CDS1: variants seen among roughly 807,000 people sequenced by gnomAD.
CDS1 encodes the protein phosphatidate cytidylyltransferase 1.
Under a neutral mutation model 62.1 loss-of-function variants are expected in CDS1, and 41 were observed. The ratio of observed to expected loss-of-function variants is 0.66; its 90% CI spans 0.51 to 0.86. The LOEUF (loss-of-function observed/expected upper bound fraction) is 0.86, where lower values mean the gene tolerates loss of function less well. CDS1 is among the 40% of genes least tolerant of loss of function. The pLI is 0.00. For missense variants in CDS1, 470 were observed against 550.1 expected, an observed-to-expected ratio of 0.85 and a Z score of 1.46; for synonymous variants, 185 against 192.6, an observed-to-expected ratio of 0.96 and a Z score of 0.32.
chr4:84,597,554 G>A (rs141486730), intron 1 of CDS1, among the ~76,000 whole-genome samples: 119 of 152,222 alleles, frequency 7.8e-4, no homozygotes, highest in African/African-American at 2.6e-3. Flanking sequence ...TGGGAGGATC[G>A]CTTGAGCCTG....
At chr4:84,609,133 C>T (rs1298872039) in intron 2 of CDS1, among the ~76,000 whole-genome samples, 1 of 146,044 alleles carries the variant, frequency 6.8e-6, no homozygotes, top group Non-Finnish European at 1.5e-5. Context: ...GAGCCGAGAT[C>T]ACGCCACTGC....
intron 1 of CDS1, among the ~76,000 whole-genome samples, chr4:84,585,989 C>T (rs1373494970): frequency 6.6e-6 from 1 of 152,138 alleles, no homozygotes; most frequent in Non-Finnish European, 1.5e-5. Flanking sequence ...GAGGATTGAG[C>T]TGGGAATGAA....
intron 12 of CDS1, among the ~76,000 whole-genome samples, chr4:84,647,144 C>G (rs568507887): frequency 6.6e-6 from 1 of 151,960 alleles, no homozygotes; most frequent in Non-Finnish European, 1.5e-5. Flanking sequence ...ATTCCCTTTT[C>G]CTTATATTTA....
rs183131102 is a variant in CDS1, at chr4:84,603,103, G to A, written c.118-1140G>A. Reference sequence around the variant, plus strand: ...CTTATTTGAATTTACTAAGTCCTTGGCATTATACTAAATGCTTCATTTTAG... The same window carrying A: ...CTTATTTGAATTTACTAAGTCCTTGACATTATACTAAATGCTTCATTTTAG... On this transcript the variant is annotated intron_variant, in intron 1 of 12. Coordinates refer to ENST00000295887, the MANE Select transcript of CDS1 (RefSeq NM_001263.4). 2.9e-3 allele frequency among the ~76,000 whole-genome samples: 443 copies of A among 152,162 alleles called. 1 individual carries two copies. The highest frequency in any genetic ancestry group is 4.8e-3 in the Non-Finnish European group (329 of 68,018).
At chr4:84,645,873 A>C (rs1038589244) in intron 12 of CDS1, among the ~76,000 whole-genome samples, 1 of 152,210 alleles carries the variant, frequency 6.6e-6, no homozygotes, top group African/African-American at 2.4e-5. Context: ...AAAATAAAGC[A>C]GGCCGAGGGG....
At chr4:84,615,645 T>A (rs1214083215) in intron 3 of CDS1, among the ~76,000 whole-genome samples, 1 of 152,052 alleles carries the variant, frequency 6.6e-6, no homozygotes, top group Non-Finnish European at 1.5e-5. Flanking sequence ...TTCACATGGG[T>A]TGTAGTCGTG....
At chr4:84,612,598 GT>G (rs573925996) in intron 3 of CDS1, among the ~76,000 whole-genome samples, 140 of 152,104 alleles carry the variant, frequency 9.2e-4, no homozygotes, top group Non-Finnish European at 1.5e-3. Flanking sequence ...CGGTACTTGA[GT>G]TTTTTTGTTT....
At chr4:84,606,353 T>G (rs1723095913) in intron 2 of CDS1, among the ~76,000 whole-genome samples, 1 of 151,978 alleles carries the variant, frequency 6.6e-6, no homozygotes, top group Non-Finnish European at 1.5e-5. Context: ...TGTATGGATG[T>G]GTGTAAAGCA....
chr4:84,626,803 G>A (rs574446146), intron 5 of CDS1, among the ~76,000 whole-genome samples: 8 of 152,256 alleles, frequency 5.3e-5, no homozygotes, highest in African/African-American at 1.7e-4. Flanking sequence ...TTGAGGGTCC[G>A]ACTATGTATT....
chr4:84,637,533 T>G (rs1209753108), intron 8 of CDS1, among the ~76,000 whole-genome samples: 1 of 152,196 alleles, frequency 6.6e-6, no homozygotes. Flanking sequence ...GGGATGGTGC[T>G]TAACCATTAG....
At chr4:84,635,233 T>C (rs7683338) in intron 7 of CDS1, 31 bp from the exon 8 acceptor site, 93,000 of 1,189,022 alleles carry the variant, frequency 0.078, 4,712 homozygotes, top group Non-Finnish European at 0.096. Flanking sequence ...AACTTTTTTC[T>C]GCTGACTTTT....
chr4:84,648,366 T>A (rs1724614954), intron 12 of CDS1, among the ~76,000 whole-genome samples, 191 bp from the exon 13 acceptor site: 1 of 152,188 alleles, frequency 6.6e-6, no homozygotes, highest in Non-Finnish European at 1.5e-5. Flanking sequence ...TGTGCATTCT[T>A]TCTCCCTCTC....
chr4:84,633,158 T>C (rs1724076136), intron 6 of CDS1, among the ~76,000 whole-genome samples: 1 of 152,168 alleles, frequency 6.6e-6, no homozygotes, highest in South Asian at 2.1e-4. Flanking sequence ...AATCAAAATC[T>C]TAAGAATTTT....
Position 84,640,845 on chromosome 4 carries a change from A to G in CDS1, c.887A>G (p.Tyr296Cys), listed in dbSNP as rs751675202. The G allele has an allele frequency of 8.8e-6, 14 of 1,585,920 alleles. No individual in the cohort carries two copies. The highest frequency in any genetic ancestry group is 8.1e-5 in the South Asian group (7 of 86,210). The change falls in exon 10 of 13, where the codon TAT becomes TGT. Residue 296 changes from tyrosine to cysteine, a missense_variant. Physicochemically the swap from Tyr to Cys is radical, Grantham distance 194. This residue lies in a region of CDS1 where 214 missense variants were observed against 242.4 expected (regional missense o/e 0.88). Transcript: ENST00000295887. Reference sequence around the variant, plus strand: ...TTTTGTTTTTAATATCAGGCTGCCTATGTGTTATCCAAATACCAGTACTTT... The same window carrying G: ...TTTTGTTTTTAATATCAGGCTGCCTGTGTGTTATCCAAATACCAGTACTTT... ...STVVFGFIAA[Y>C]VLSKYQYFVC...
chr4:84,624,292 A>C (rs1723787819), intron 5 of CDS1, among the ~76,000 whole-genome samples: 1 of 119,284 alleles, frequency 8.4e-6, no homozygotes, highest in Admixed American at 7.7e-5. Flanking sequence ...AAAAACAAAC[A>C]AAAAAAAAAA....
chr4:84,603,517 A>G (rs888893757), intron 1 of CDS1, among the ~76,000 whole-genome samples: 1 of 152,232 alleles, frequency 6.6e-6, no homozygotes, highest in African/African-American at 2.4e-5. Flanking sequence ...ACTGAGCATT[A>G]GATGACATTT....
rs1409688794 is a variant in CDS1, at chr4:84,583,501, G to A, written c.100G>A (p.Glu34Lys). The stretch of plus-strand genomic sequence containing the variant: ...GGCGGCCGGCGGCGACCACGAAACC[G>A]AGAGCACCAGCGACAAAGTAAGTGG... ...GEAAGGDHET[E>K]STSDKETDID... The change falls in exon 1 of 13, where the codon GAG (glutamate) becomes AAG (lysine). Residue 34 changes from glutamate (E) to lysine (K), a missense_variant. Around this residue, in one of 5 missense-constraint regions of CDS1, gnomAD observed 150 missense variants for 142.0 expected, o/e 1.06. Transcript: ENST00000295887. 2 of 1,535,148 alleles carry A rather than the reference G, an allele frequency of 1.3e-6. No individual in the cohort carries two copies. Among genetic ancestry groups the A allele is most frequent in the East Asian group, 2.6e-5 (1 of 38,806 alleles).
At chr4:84,640,686 T>G in intron 9 of CDS1, 152 bp from the exon 10 acceptor site, 1 of 673,598 alleles carries the variant, frequency 1.5e-6, no homozygotes, top group Non-Finnish European at 2.2e-6. Flanking sequence ...CCATTTAACT[T>G]TGAAAATACA....
chr4:84,600,565 T>A (rs1440942005), intron 1 of CDS1, among the ~76,000 whole-genome samples: 1 of 152,218 alleles, frequency 6.6e-6, no homozygotes, highest in South Asian at 2.1e-4. Context: ...ATGTATAGAA[T>A]TACCTTTGCA....
Sources: allele counts gnomAD v4.1 joint callset (sites outside exome capture counted in the v4.1 genomes callset), GRCh38; gene constraint gnomAD v4.1.1; regional missense constraint gnomAD v4.1.1; transcripts MANE v1.5; gene names NCBI Gene and HGNC (gene_info 2026-07-23, HGNC 2026-07-21).